ALPK2: variants seen among roughly 807,000 people sequenced by gnomAD.
The protein encoded by ALPK2 is alpha kinase 2, also known as alpha-protein kinase 2.
Under a neutral mutation model 163.1 loss-of-function variants are expected in ALPK2, and 127 were observed. The observed-to-expected ratio is 0.78, with a 90% confidence interval of 0.67 to 0.90. ALPK2 has a LOEUF of 0.90. Ranked by LOEUF, ALPK2 falls within the 40% of genes least tolerant of loss-of-function variation. The pLI, the probability that ALPK2 is intolerant of heterozygous loss-of-function variation, is 0.00. For synonymous variants in ALPK2, 953 were observed against 959.1 expected, an observed-to-expected ratio of 0.99 and a Z score of 0.12; for missense variants, 2,360 against 2,589.6, an observed-to-expected ratio of 0.91 and a Z score of 1.92.
chr18:58,568,804 TAA>T (rs1330080095), intron 4 of ALPK2, among the ~76,000 whole-genome samples: 2 of 152,198 alleles, frequency 1.3e-5, no homozygotes, highest in East Asian at 3.8e-4. Context: ...AGGATGTATA[TAA>T]GTTATTTGCA....
intron 1 of ALPK2, among the ~76,000 whole-genome samples, chr18:58,618,492 T>A (rs1465742881): frequency 6.6e-6 from 1 of 152,264 alleles, no homozygotes; most frequent in Non-Finnish European, 1.5e-5. Context: ...ATCATCTCTC[T>A]GCCTCAGTCA....
chr18:58,591,865 G>A (rs75892965), intron 3 of ALPK2, among the ~76,000 whole-genome samples: 2,591 of 152,266 alleles, frequency 0.017, 63 homozygotes, highest in African/African-American at 0.058. Flanking sequence ...CAGAGACTGG[G>A]GCCATGCTAG....
chr18:58,608,444 G>A (rs1477488010), intron 2 of ALPK2, among the ~76,000 whole-genome samples: 1 of 152,206 alleles, frequency 6.6e-6, no homozygotes, highest in African/African-American at 2.4e-5. Context: ...TTGTTACAGA[G>A]CAGGAAGGTT....
At chr18:58,625,988 T>C (rs56287994) in intron 1 of ALPK2, among the ~76,000 whole-genome samples, 2,058 of 152,366 alleles carry the variant, frequency 0.014, 47 homozygotes, top group African/African-American at 0.046. Flanking sequence ...ATTCTTTCGT[T>C]TTCGCCAACC....
chr18:58,543,759 C>T (rs1450685553), intron 4 of ALPK2, among the ~76,000 whole-genome samples: 2 of 152,156 alleles, frequency 1.3e-5, no homozygotes, highest in Non-Finnish European at 1.5e-5. Flanking sequence ...TAAAAACCGA[C>T]ACATGAGGTC....
intron 8 of ALPK2, among the ~76,000 whole-genome samples, chr18:58,521,759 C>G (rs2051554800): frequency 6.6e-6 from 1 of 151,318 alleles, no homozygotes; most frequent in African/African-American, 2.4e-5. Flanking sequence ...TCCTGAGTAG[C>G]TGGGATTACA....
At chr18:58,571,048 A>G (rs2051883202) in intron 4 of ALPK2, among the ~76,000 whole-genome samples, 1 of 151,818 alleles carries the variant, frequency 6.6e-6, no homozygotes, top group South Asian at 2.1e-4. Context: ...TTTTTTTGAG[A>G]CAGAGTCTCG....
At chr18:58,502,134 CCACACACACACACACACA>C (rs71173056) in intron 11 of ALPK2, among the ~76,000 whole-genome samples, 13 of 118,830 alleles carry the variant, frequency 1.1e-4, no homozygotes, top group African/African-American at 3.4e-4. Context: ...AACCCCATCT[CCACACACACACACACACA>C]CACACACACA....
intron 3 of ALPK2, 58 bp from the exon 4 acceptor site, chr18:58,580,606 T>C: frequency 7.3e-7 from 1 of 1,370,350 alleles, no homozygotes. Context: ...ATGCCAACAT[T>C]TTCACACCAT....
rs1261855042 is a variant in ALPK2 at position 58,611,790 on chromosome 18, T to C, written c.8A>G (p.Asp3Gly). Residue 3 changes from aspartate (D) to glycine (G), a missense_variant, in exon 2 of 13, where the codon GAC (aspartate) becomes GGC (glycine). Transcript: ENST00000361673. ...CGGGGGCCTCTGGGGCCCTTCGGAG[T>C]CTTTCATCCTTTCATGCCGCACCAA... MK[D>G]SEGPQRPPLC... 1.3e-6 allele frequency: 2 copies of C among 1,567,710 alleles called. No individual in the cohort carries two copies. Among genetic ancestry groups the C allele is most frequent in the East Asian group, 2.2e-5 (1 of 44,472 alleles).
At position 58,535,653 on chromosome 18, in the gene ALPK2, G is replaced by A. The variant is rs1021464037; in HGVS notation, c.4534C>T (p.Gln1512Ter). The change falls in exon 5 of 13, where the codon CAA becomes TAA. Residue 1512 changes from glutamine (Q) to a stop codon, truncating the protein, a stop_gained. Transcript: ENST00000361673. LOFTEE classifies it high-confidence loss of function. ...ERIPSGCSIG[Q>*]IQESSDGSLG... is the part of the protein sequence containing the mutation. ...CTCCCATCACTGCTTTCTTGTATTTGGCCTATGCTACATCCACTTGGAATT... is the reference window on the plus strand; with the variant it reads ...CTCCCATCACTGCTTTCTTGTATTTAGCCTATGCTACATCCACTTGGAATT... 6.2e-7 allele frequency: 1 copy of A among 1,614,086 alleles called. No individual in the cohort carries two copies. The highest frequency in any genetic ancestry group is 1.3e-5 in the African/African-American group (1 of 74,916).
chr18:58,500,002 A>G (rs1295936821), intron 11 of ALPK2, among the ~76,000 whole-genome samples: 1 of 152,258 alleles, frequency 6.6e-6, no homozygotes, highest in Admixed American at 6.5e-5. Flanking sequence ...GGAGCATGGC[A>G]AAAACAAAGG....
intron 1 of ALPK2, 57 bp from the exon 2 acceptor site, chr18:58,611,874 C>G (rs950031154): frequency 3.5e-6 from 4 of 1,156,190 alleles, no homozygotes; most frequent in Non-Finnish European, 4.9e-6. Flanking sequence ...CTCTGGCCTT[C>G]TTAGGAATTC....
intron 1 of ALPK2, among the ~76,000 whole-genome samples, chr18:58,621,161 A>C (rs549657854): frequency 2.6e-5 from 4 of 151,856 alleles, no homozygotes; most frequent in Admixed American, 1.3e-4. Context: ...TCAAAACAAA[A>C]AAAAAAAAAT....
intron 12 of ALPK2, among the ~76,000 whole-genome samples, chr18:58,483,376 G>A (rs2051321448): frequency 6.6e-6 from 1 of 152,108 alleles, no homozygotes; most frequent in South Asian, 2.1e-4. Flanking sequence ...GAAACTGCCT[G>A]TGATCCTGCA....
At position 58,535,424 on chromosome 18, in the gene ALPK2, C is replaced by A; in HGVS notation, c.4763G>T (p.Arg1588Met). ...CCCACGCTCATTCTCAATAGTTCCC[C>A]TTTTCTGTGAAACAGGAAACACATA... Reference protein sequence around the residue: ...RQYVFPVSQKRGTIENERGKP... With the variant: ...RQYVFPVSQKMGTIENERGKP... Residue 1588 changes from arginine to methionine, a missense_variant, in exon 5 of 13, where the codon AGG becomes ATG. By Grantham distance (91) the Arg-to-Met change is moderately conservative. Transcript: ENST00000361673. The A allele has an allele frequency of 6.2e-7, 1 of 1,614,198 alleles. No homozygotes were observed. Among genetic ancestry groups the A allele is most frequent in the Non-Finnish European group, 8.5e-7 (1 of 1,180,026 alleles).
In ALPK2 at chr18:58,481,651, TTGAG is replaced by T; in HGVS notation, c.*168_*171del. On this transcript the variant is annotated 3_prime_UTR_variant, in exon 13 of 13. Transcript: ENST00000361673. ...GTCGCAAATCCTGTTCTGAAATCAT[TTGAG>T]TGAAGACAGCAGGTGATGGGTTTAG... The T allele has an allele frequency of 1.1e-5, 7 of 617,884 alleles. No homozygotes were observed. The South Asian group carries it at 1.2e-4, about 11-fold the overall frequency. The allele number at this position is 617,884 out of a possible 1,614,324, so 38.3% of individuals were successfully genotyped here.
Position 58,536,104 on chromosome 18 carries a change from A to G in ALPK2, c.4083T>C (p.Ser1361=), listed in dbSNP as rs780011673. ...TAACATTTTCCTTCCCTCCAGTTTCAGAAGCCGCTGACAGTGAATCTGTGA... is the reference window on the plus strand; with the variant it reads ...TAACATTTTCCTTCCCTCCAGTTTCGGAAGCCGCTGACAGTGAATCTGTGA... ...LSVTDSLSAA[S]ETGGKENVNN... Residue 1361 remains serine, a synonymous_variant, in exon 5 of 13, where the codon TCT becomes TCC. Transcript: ENST00000361673. The G allele has an allele frequency of 4.4e-5, 71 of 1,614,022 alleles. No homozygotes were observed. The Admixed American group carries it at 1.2e-3, about 27-fold the overall frequency.
rs200205546 is a variant in ALPK2, at chr18:58,536,691, C to T, written c.3496G>A (p.Glu1166Lys). 40 of 1,614,066 alleles carry T rather than the reference C, an allele frequency of 2.5e-5. No individual in the cohort carries two copies. The highest frequency in any genetic ancestry group is 6.7e-5 in the Admixed American group (4 of 60,010). The change falls in exon 5 of 13, where the codon GAA becomes AAA. Residue 1166 changes from glutamate to lysine, a missense_variant. Transcript: ENST00000361673. ...SLPTTSAAQE[E>K]RNLVPTAHSP... ...TGGGCCGTGGGCACCAAGTTTCTTTCCTCTTGTGCAGCAGATGTCGTAGGC... is the reference window on the plus strand; with the variant it reads ...TGGGCCGTGGGCACCAAGTTTCTTTTCTCTTGTGCAGCAGATGTCGTAGGC...
Sources: allele counts gnomAD v4.1 joint callset (sites outside exome capture counted in the v4.1 genomes callset), GRCh38; gene constraint gnomAD v4.1.1; transcripts MANE v1.5; gene names NCBI Gene and HGNC (gene_info 2026-07-23, HGNC 2026-07-21).